The following ZNF385D variants were observed in gnomAD, a reference collection of about 807,000 sequenced individuals.
ZNF385D encodes the protein zinc finger protein 385D, also known as zinc finger protein 659.
Under a neutral mutation model 35.8 loss-of-function variants are expected in ZNF385D, and 15 were observed. The observed-to-expected ratio is 0.42, with a 90% confidence interval of 0.28 to 0.64. The LOEUF is 0.64. Ranked by LOEUF, ZNF385D falls within the 30% of genes least tolerant of loss-of-function variation. ZNF385D has a pLI of 0.23. For synonymous variants in ZNF385D, 212 were observed against 186.8 expected, an observed-to-expected ratio of 1.13 and a Z score of -1.10; for missense variants, 474 against 494.6, an observed-to-expected ratio of 0.96 and a Z score of 0.39.
intron 3 of ZNF385D, among the ~76,000 whole-genome samples, chr3:22,072,897 T>C (rs1325446181): frequency 6.6e-6 from 1 of 151,824 alleles, no homozygotes; most frequent in Admixed American, 6.6e-5. Flanking sequence ...GAAATTGAGA[T>C]TCCCGGGAAG....
intron 2 of ZNF385D, among the ~76,000 whole-genome samples, chr3:21,565,009 A>C (rs915037920): frequency 6.6e-6 from 1 of 152,196 alleles, no homozygotes; most frequent in African/African-American, 2.4e-5. Flanking sequence ...AGTTATTGCT[A>C]ATGCCAGCAA....
At chr3:22,180,945 C>CTTTTTTTTT (rs1553624088) in intron 2 of ZNF385D, among the ~76,000 whole-genome samples, 1 of 98,996 alleles carries the variant, frequency 1.0e-5, no homozygotes, top group African/African-American at 5.5e-5. Context: ...GACAGCTTTG[C>CTTTTTTTTT]TTTCTCCTTC....
chr3:21,702,961 T>C (rs763637319), intron 1 of ZNF385D, among the ~76,000 whole-genome samples: 1 of 152,210 alleles, frequency 6.6e-6, no homozygotes, highest in African/African-American at 2.4e-5. Flanking sequence ...CTTTCCTACT[T>C]TTCTATATTC....
chr3:21,581,839 T>A (rs1356624237), intron 2 of ZNF385D, among the ~76,000 whole-genome samples: 1 of 152,158 alleles, frequency 6.6e-6, no homozygotes, highest in Non-Finnish European at 1.5e-5. Flanking sequence ...GGAAGCTTGT[T>A]AAAGGTACAG....
At chr3:22,086,720 T>C (rs1208197487) in intron 3 of ZNF385D, among the ~76,000 whole-genome samples, 1 of 152,136 alleles carries the variant, frequency 6.6e-6, no homozygotes, top group Non-Finnish European at 1.5e-5. Flanking sequence ...TAAGAAAATA[T>C]GGCACATATA....
intron 4 of ZNF385D, chr3:21,443,070 A>G: frequency 1.1e-6 from 1 of 923,742 alleles, no homozygotes; most frequent in Non-Finnish European, 1.3e-6. Context: ...CCCGTCTGCT[A>G]GAGTGGTATA....
chr3:21,547,847 G>A (rs896372613), intron 3 of ZNF385D, among the ~76,000 whole-genome samples: 1 of 152,034 alleles, frequency 6.6e-6, no homozygotes, highest in African/African-American at 2.4e-5. Context: ...CTGACCTCAG[G>A]TGGTCCACCC....
intron 3 of ZNF385D, among the ~76,000 whole-genome samples, chr3:21,935,674 C>A (rs1160569759): frequency 1.3e-5 from 2 of 152,090 alleles, no homozygotes; most frequent in Non-Finnish European, 2.9e-5. Context: ...TTAGCACATA[C>A]AATGAAGACT....
intron 3 of ZNF385D, among the ~76,000 whole-genome samples, chr3:22,084,454 AC>A (rs1365055432): frequency 2.6e-5 from 4 of 152,136 alleles, no homozygotes; most frequent in African/African-American, 9.7e-5. Context: ...CAGACTTTAA[AC>A]CAACAAAGAT....
At chr3:22,102,841 CTTT>C (rs1189784441) in intron 3 of ZNF385D, among the ~76,000 whole-genome samples, 2 of 149,062 alleles carry the variant, frequency 1.3e-5, no homozygotes, top group African/African-American at 5.0e-5. Flanking sequence ...GCATTGGGGC[CTTT>C]TTTTATTTTG....
At chr3:21,799,944 G>A (rs189250582) in intron 3 of ZNF385D, among the ~76,000 whole-genome samples, 1 of 152,086 alleles carries the variant, frequency 6.6e-6, no homozygotes, top group African/African-American at 2.4e-5. Context: ...TGTGAGATAG[G>A]AATCCAATTC....
chr3:22,025,700 T>C (rs1036924418), intron 3 of ZNF385D, among the ~76,000 whole-genome samples: 2 of 152,080 alleles, frequency 1.3e-5, no homozygotes. Context: ...CTTGGTTTAA[T>C]GTAGAGGAAG....
intron 3 of ZNF385D, among the ~76,000 whole-genome samples, chr3:21,943,781 AT>A (rs1304879180): frequency 6.6e-6 from 1 of 152,222 alleles, no homozygotes; most frequent in Non-Finnish European, 1.5e-5. Context: ...ATGAACAGTA[AT>A]TTAGTCCTGG....
chr3:21,721,246 A>C lies in ZNF385D; in HGVS notation c.22+29649T>G, dbSNP rs6789956. On this transcript the variant is annotated intron_variant, in intron 1 of 7. Coordinates refer to ENST00000281523, the MANE Select transcript of ZNF385D (RefSeq NM_024697.3). ...CTGTACGTTCCAAGACTCAGGAACC[A>C]GTCAGTCCATTTAAGATTCTTACCT... Among the ~76,000 whole-genome samples, 1,275 of 152,266 alleles carry C rather than the reference A, an allele frequency of 8.4e-3. 16 individuals are homozygous for C. The highest frequency in any genetic ancestry group is 0.029 in the African/African-American group (1,212 of 41,538).
intron 4 of ZNF385D, among the ~76,000 whole-genome samples, chr3:21,471,234 A>C (rs1703863320): frequency 1.3e-5 from 2 of 148,634 alleles, no homozygotes; most frequent in South Asian, 2.2e-4. Flanking sequence ...ACTGAACCAT[A>C]TTTCCCTCCC....
intron 2 of ZNF385D, among the ~76,000 whole-genome samples, chr3:22,300,388 ATTTTT>A (rs34889320): frequency 6.8e-6 from 1 of 147,220 alleles, no homozygotes; most frequent in Non-Finnish European, 1.5e-5. Flanking sequence ...CTGGGCAATG[ATTTTT>A]TTTTTTTTTG....
At chr3:22,212,229 G>C (rs746908135) in intron 2 of ZNF385D, among the ~76,000 whole-genome samples, 2 of 151,996 alleles carry the variant, frequency 1.3e-5, no homozygotes, top group Admixed American at 6.6e-5. Flanking sequence ...ACCATCAAAC[G>C]CTGCCTCATC....
chr3:21,730,813 G>C (rs181208440), intron 1 of ZNF385D, among the ~76,000 whole-genome samples: 24 of 152,210 alleles, frequency 1.6e-4, no homozygotes, highest in African/African-American at 5.3e-4. Context: ...TTCATTATTT[G>C]CTGTTATAGT....
intron 3 of ZNF385D, among the ~76,000 whole-genome samples, chr3:21,535,994 T>C (rs187596204): frequency 1.5e-5 from 2 of 137,284 alleles, no homozygotes; most frequent in African/African-American, 5.5e-5. Flanking sequence ...CCCACAATCA[T>C]AACAAGAAGA....
Sources: allele counts gnomAD v4.1 joint callset (sites outside exome capture counted in the v4.1 genomes callset), GRCh38; gene constraint gnomAD v4.1.1; transcripts MANE v1.5; gene names NCBI Gene and HGNC (gene_info 2026-07-23, HGNC 2026-07-21).